Variants in PPP2R2B observed in about 807,000 individuals in gnomAD.
PPP2R2B encodes protein phosphatase 2 regulatory subunit Bbeta, also known as serine/threonine-protein phosphatase 2A 55 kDa regulatory subunit B beta isoform.
PPP2R2B carries 5 observed loss-of-function variants against 46.0 expected under a neutral mutation model. That is an observed-to-expected ratio of 0.11 (90% CI 0.06 to 0.23). The LOEUF is 0.23. PPP2R2B is among the 10% of genes least tolerant of loss of function. The pLI is 1.00. For missense variants in PPP2R2B, 367 were observed against 575.0 expected (o/e 0.64, Z 3.70); for synonymous variants, 215 against 206.7 (o/e 1.04, Z -0.34).
chr5:146,877,034 G>A (rs1334263634), intron 2 of PPP2R2B, among the ~76,000 whole-genome samples: 1 of 152,184 alleles, frequency 6.6e-6, no homozygotes, highest in Non-Finnish European at 1.5e-5. Flanking sequence ...TTTCTCGCAT[G>A]GATATTACAA....
At chr5:146,861,801 A>G (rs1212710087) in intron 2 of PPP2R2B, among the ~76,000 whole-genome samples, 1 of 150,710 alleles carries the variant, frequency 6.6e-6, no homozygotes, top group East Asian at 1.9e-4. Context: ...CATACTTTAC[A>G]TACCCTTTTT....
chr5:147,064,594 A>G (rs1014945752), intron 2 of PPP2R2B, among the ~76,000 whole-genome samples: 8 of 152,260 alleles, frequency 5.3e-5, no homozygotes, highest in Non-Finnish European at 1.2e-4. Flanking sequence ...AGAATAAAGA[A>G]GAACTAAGAT....
intron 1 of PPP2R2B, among the ~76,000 whole-genome samples, chr5:146,912,802 C>T (rs560315256): frequency 4.4e-4 from 67 of 152,126 alleles, no homozygotes; most frequent in Admixed American, 3.5e-3. Flanking sequence ...CCACCGCACC[C>T]GGCCTCTTTC....
At chr5:146,949,144 A>G (rs1423575391) in intron 1 of PPP2R2B, among the ~76,000 whole-genome samples, 1 of 152,106 alleles carries the variant, frequency 6.6e-6, no homozygotes, top group East Asian at 1.9e-4. Flanking sequence ...GTTTGCTAAC[A>G]TTTGACATGA....
chr5:146,587,255 A>AATT lies in PPP2R2B; in HGVS notation c.*2689_*2691dup, dbSNP rs1770211071. 6.6e-6 allele frequency: 1 copy of AATT among 152,250 alleles called. No individual in the cohort carries two copies. Among genetic ancestry groups the AATT allele is most frequent in the South Asian group, 2.1e-4 (1 of 4,834 alleles). The allele number at this position is 152,250 out of a possible 1,614,324, so 9.4% of individuals were successfully genotyped here. A position where few individuals can be genotyped will look rare whatever the true frequency, so the allele number is the denominator to read the frequency against. ...GTTCAGTACCTGGTAAAGAACAGTT[A>AATT]ATTTGTGAAACATCGTGGTGGTTAT... is the stretch of plus-strand genomic sequence containing the variant. On this transcript the variant is annotated 3_prime_UTR_variant, in exon 10 of 10. Transcript: ENST00000394411.
chr5:147,007,367 C>T (rs531153249), intron 1 of PPP2R2B, among the ~76,000 whole-genome samples: 67 of 152,160 alleles, frequency 4.4e-4, no homozygotes, highest in East Asian at 9.7e-4. Context: ...GGTTTGTAAA[C>T]GCACCAATCA....
rs11320746 is a variant in PPP2R2B, at chr5:146,857,689, A to AT, written c.70+20312dup. Among the ~76,000 whole-genome samples the AT allele has an allele frequency of 3.0e-3, 440 of 146,252 alleles. 1 individual carries two copies. The highest frequency in any genetic ancestry group is 8.0e-3 in the African/African-American group (318 of 39,978). ...TTAAGACATATACATAACTGTACTA[A>AT]TTTTTTTTTTTTTTTGAGATGGAGT... On this transcript the variant is annotated intron_variant, in intron 2 of 9. Transcript: ENST00000394411.
intron 5 of PPP2R2B, among the ~76,000 whole-genome samples, chr5:146,657,797 C>A (rs1255035700): frequency 6.6e-6 from 1 of 152,088 alleles, no homozygotes; most frequent in Non-Finnish European, 1.5e-5. Context: ...AAATTGCTGT[C>A]AATTTAAATC....
chr5:146,848,622 C>A (rs1403935861), intron 2 of PPP2R2B, among the ~76,000 whole-genome samples: 1 of 152,106 alleles, frequency 6.6e-6, no homozygotes, highest in East Asian at 1.9e-4. Flanking sequence ...CCTATATCAA[C>A]ATGCCTTATT....
intron 2 of PPP2R2B, among the ~76,000 whole-genome samples, chr5:146,731,180 C>T (rs1400105269): frequency 6.6e-6 from 1 of 152,134 alleles, no homozygotes. Flanking sequence ...CAAAGACATC[C>T]CTGACAGGAG....
intron 1 of PPP2R2B, among the ~76,000 whole-genome samples, chr5:147,002,555 A>T (rs954063718): frequency 6.7e-6 from 1 of 149,244 alleles, no homozygotes; most frequent in African/African-American, 2.6e-5. Flanking sequence ...ACTAAATCCG[A>T]TTTTTCTCGG....
intron 1 of PPP2R2B, among the ~76,000 whole-genome samples, chr5:146,916,836 C>G (rs1763404425): frequency 6.6e-6 from 1 of 152,036 alleles, no homozygotes; most frequent in Non-Finnish European, 1.5e-5. Context: ...TAAATTGAAC[C>G]AGTTTGCATA....
chr5:146,885,993 G>T (rs1052957826), intron 1 of PPP2R2B, among the ~76,000 whole-genome samples: 1 of 152,100 alleles, frequency 6.6e-6, no homozygotes, highest in African/African-American at 2.4e-5. Context: ...GGGTGGGAAT[G>T]ACTGCTAAAG....
At chr5:146,912,583 G>A (rs886724801) in intron 1 of PPP2R2B, among the ~76,000 whole-genome samples, 2 of 150,694 alleles carry the variant, frequency 1.3e-5, no homozygotes, top group Non-Finnish European at 3.0e-5. Context: ...GCACGATCTC[G>A]GCTCACCACA....
intron 2 of PPP2R2B, among the ~76,000 whole-genome samples, chr5:146,759,322 T>C (rs1168448564): frequency 6.6e-6 from 1 of 152,202 alleles, no homozygotes; most frequent in African/African-American, 2.4e-5. Flanking sequence ...AGTAATATAC[T>C]TCCCCTCTAC....
At chr5:146,638,915 T>C (rs1457947605) in intron 6 of PPP2R2B, among the ~76,000 whole-genome samples, 2 of 152,220 alleles carry the variant, frequency 1.3e-5, no homozygotes, top group Non-Finnish European at 2.9e-5. Flanking sequence ...TATAATATGT[T>C]GATGATAATA....
intron 1 of PPP2R2B, among the ~76,000 whole-genome samples, chr5:147,001,163 G>A (rs1470779010): frequency 6.6e-6 from 1 of 152,136 alleles, no homozygotes; most frequent in Non-Finnish European, 1.5e-5. Context: ...CACCAGGGTG[G>A]GTGGGGCCAA....
chr5:147,053,226 AC>A (rs1489010937), intron 1 of PPP2R2B, among the ~76,000 whole-genome samples: 602 of 23,812 alleles, frequency 0.025, 4 homozygotes, highest in Middle Eastern at 0.077. Context: ...AAAAAAAAAA[AC>A]ACACGCGCAC....
intron 2 of PPP2R2B, among the ~76,000 whole-genome samples, chr5:146,743,379 C>T (rs1397820478): frequency 6.6e-6 from 1 of 152,158 alleles, no homozygotes; most frequent in African/African-American, 2.4e-5. Context: ...ATAAAACTAT[C>T]ATGCGAGGCT....
Sources: allele counts gnomAD v4.1 joint callset (sites outside exome capture counted in the v4.1 genomes callset), GRCh38; gene constraint gnomAD v4.1.1; transcripts MANE v1.5; gene names NCBI Gene and HGNC (gene_info 2026-07-23, HGNC 2026-07-21).